The following OSBPL5 variants were observed in gnomAD, a reference collection of about 807,000 sequenced individuals.
OSBPL5 encodes the protein oxysterol binding protein like 5, also known as oxysterol-binding protein-related protein 5.
OSBPL5 carries 71 observed loss-of-function variants against 111.2 expected under a neutral mutation model. The observed-to-expected ratio is 0.64, with a 90% CI of 0.53 to 0.78. The LOEUF (loss-of-function observed/expected upper bound fraction) is 0.78, where lower values mean the gene tolerates loss of function less well. Ranked by LOEUF, OSBPL5 falls within the 30% of genes least tolerant of loss-of-function variation. The pLI is 0.00. For missense variants in OSBPL5, 1,210 were observed against 1,189.3 expected (o/e 1.02, Z -0.26); for synonymous variants, 549 against 513.9 (o/e 1.07, Z -0.93).
At chr11:3,128,395 G>A (rs1858709451) in intron 2 of OSBPL5, among the ~76,000 whole-genome samples, 1 of 152,206 alleles carries the variant, frequency 6.6e-6, no homozygotes, top group Non-Finnish European at 1.5e-5. Flanking sequence ...GGTTTTCTGG[G>A]GGACAGCAGT....
intron 3 of OSBPL5, among the ~76,000 whole-genome samples, chr11:3,123,877 G>C (rs1297121085): frequency 1.3e-5 from 2 of 152,190 alleles, no homozygotes; most frequent in East Asian, 3.9e-4. Flanking sequence ...GAGGTGGAGA[G>C]CTAGCAAGGG....
At chr11:3,090,021 G>T in intron 20 of OSBPL5, 73 bp from the exon 21 acceptor site, 1 of 1,225,460 alleles carries the variant, frequency 8.2e-7, no homozygotes. Flanking sequence ...AGTGGGGCTG[G>T]CACGTGGGTC....
chr11:3,129,555 C>A (rs973954108), intron 1 of OSBPL5, among the ~76,000 whole-genome samples: 2 of 152,284 alleles, frequency 1.3e-5, no homozygotes, highest in Admixed American at 1.3e-4. Flanking sequence ...CGTGACAGCA[C>A]TTTGTGGTGG....
chr11:3,133,987 G>GGC (rs1554903272), intron 1 of OSBPL5, among the ~76,000 whole-genome samples: 1 of 152,068 alleles, frequency 6.6e-6, no homozygotes, highest in African/African-American at 2.4e-5. Context: ...CTTGGTGGGG[G>GGC]GGGGGTCACT....
At chr11:3,090,828 G>A (rs1857031067) in intron 19 of OSBPL5, 132 bp from the exon 20 acceptor site, 2 of 1,252,496 alleles carry the variant, frequency 1.6e-6, no homozygotes, top group South Asian at 1.5e-5. Flanking sequence ...CTGCTGGGCT[G>A]TGGAGCTGGC....
At chr11:3,103,457 T>C (rs1361351948) in intron 10 of OSBPL5, 137 bp from the exon 11 acceptor site, 4 of 704,584 alleles carry the variant, frequency 5.7e-6, no homozygotes, top group Non-Finnish European at 7.1e-6. Flanking sequence ...GGCGCTCTGG[T>C]CACCCCCAAG....
intron 1 of OSBPL5, among the ~76,000 whole-genome samples, chr11:3,151,121 G>A (rs1846571225): frequency 1.3e-5 from 2 of 152,170 alleles, no homozygotes; most frequent in Non-Finnish European, 2.9e-5. Flanking sequence ...GAAGACAGAG[G>A]CGGAGATCGG....
In OSBPL5 at chr11:3,126,508, G is replaced by A. The variant is rs201518381; in HGVS notation, c.184C>T (p.Pro62Ser). 5.6e-6 allele frequency: 9 copies of A among 1,609,774 alleles called. No homozygotes were observed. In the South Asian group the frequency reaches 7.7e-5, roughly 14 times the overall value. ...NGPSLPRDEG[P>S]PTPSSATKVP... is the part of the protein sequence containing the mutation. The stretch of plus-strand genomic sequence containing the variant: ...TTCGTGGCAGAGCTTGGGGTCGGGG[G>A]CCCTTCATCCCTGGGCAGCGACGGG... Residue 62 changes from proline to serine, a missense_variant, in exon 3 of 22, where the codon CCC (proline) becomes TCC (serine). Physicochemically the swap from Pro to Ser is moderately conservative, Grantham distance 74. Transcript: ENST00000263650. The surrounding 1 kb of genome is among the most constrained non-coding windows in gnomAD (Gnocchi z 6.5).
intron 1 of OSBPL5, among the ~76,000 whole-genome samples, chr11:3,139,033 C>G (rs73415959): frequency 6.6e-6 from 1 of 152,140 alleles, no homozygotes; most frequent in Non-Finnish European, 1.5e-5. Flanking sequence ...GGGCAGGGAC[C>G]GGGTGATGGG....
chr11:3,104,766 C>G lies in OSBPL5; in HGVS notation c.1060-389G>C, dbSNP rs1857637944. ...CAGCCCACCCTGTCTTCACAGCTGC[C>G]AGGGGAGGCAGGGATTTGGCCTGCT... is the stretch of plus-strand genomic sequence containing the variant. On this transcript the variant is annotated intron_variant, in intron 9 of 21. Transcript: ENST00000263650. This position sits in a 1 kb window ranked among gnomAD's most constrained non-coding sequence, Gnocchi z 5.0. 4.6e-5 allele frequency among the ~76,000 whole-genome samples: 7 copies of G among 152,274 alleles called. No homozygotes were observed. The South Asian group carries it at 1.5e-3, about 32-fold the overall frequency.
chr11:3,102,082 G>C, intron 12 of OSBPL5, 101 bp downstream of exon 12: 2 of 1,245,138 alleles, frequency 1.6e-6, no homozygotes, highest in Non-Finnish European at 2.3e-6. Context: ...GCCGGCCCTC[G>C]GGGTCACGCT....
chr11:3,099,139 C>A (rs1034994940), intron 14 of OSBPL5, among the ~76,000 whole-genome samples: 1 of 152,120 alleles, frequency 6.6e-6, no homozygotes, highest in South Asian at 2.1e-4. Context: ...AAGTGAAAGA[C>A]GCCAATCTGA....
intron 3 of OSBPL5, among the ~76,000 whole-genome samples, chr11:3,124,954 G>C (rs567766926): frequency 6.6e-6 from 1 of 152,278 alleles, no homozygotes; most frequent in African/African-American, 2.4e-5. Flanking sequence ...GCATGGCATG[G>C]GATGGAGCAC....
chr11:3,096,806 T>A (rs529619262), intron 14 of OSBPL5, among the ~76,000 whole-genome samples: 50 of 151,766 alleles, frequency 3.3e-4, no homozygotes, highest in African/African-American at 1.1e-3. Context: ...TACTTTGATA[T>A]ATGTTTGAAC....
In OSBPL5 at chr11:3,093,775, C is replaced by T; in HGVS notation, c.1780G>A (p.Glu594Lys). The T allele has an allele frequency of 1.2e-6, 2 of 1,613,166 alleles. No individual in the cohort carries two copies. Among genetic ancestry groups the T allele is most frequent in the Non-Finnish European group, 1.7e-6 (2 of 1,179,994 alleles). Residue 594 changes from glutamate to lysine, a missense_variant, in exon 16 of 22, where the codon GAA (glutamate) becomes AAA (lysine). Physicochemically the swap from Glu to Lys is moderately conservative, Grantham distance 56 (BLOSUM62 1). Transcript: ENST00000263650. ...TGGCCACTGAGGCTCGCCAGGACTTCCTCTCCCGACGTGATCTTTCCCGAG... is the reference window on the plus strand; with the variant it reads ...TGGCCACTGAGGCTCGCCAGGACTTTCTCTCCCGACGTGATCTTTCCCGAG... The part of the protein sequence containing the change: ...QISGKITSGE[E>K]VLASLSGHWD...
intron 1 of OSBPL5, among the ~76,000 whole-genome samples, chr11:3,151,864 C>G (rs1236308044): frequency 6.6e-6 from 1 of 152,260 alleles, no homozygotes; most frequent in Non-Finnish European, 1.5e-5. Flanking sequence ...GCAGCCCCGA[C>G]AGCTGCCTGT....
intron 14 of OSBPL5, among the ~76,000 whole-genome samples, chr11:3,096,675 T>C (rs1306958644): frequency 1.3e-5 from 2 of 151,248 alleles, no homozygotes; most frequent in Non-Finnish European, 2.9e-5. Context: ...ACTTTAGTGA[T>C]ATAAAATAAA....
At chr11:3,093,262 CAGG>C in intron 17 of OSBPL5, 1 of 735,224 alleles carries the variant, frequency 1.4e-6, no homozygotes, top group Non-Finnish European at 2.2e-6. Context: ...CTCCCGCCTG[CAGG>C]GACCTCCCTG....
At chr11:3,143,230 C>CG (rs1554905166) in intron 1 of OSBPL5, among the ~76,000 whole-genome samples, 18 of 28,686 alleles carry the variant, frequency 6.3e-4, no homozygotes, top group Admixed American at 1.4e-3. Context: ...GAGGCAGGTG[C>CG]GGGGGGGGCA....
Sources: gnomAD v4.1 joint callset for allele counts (sites outside exome capture counted in the v4.1 genomes callset) on GRCh38, gnomAD v4.1.1 for gene constraint, Gnocchi (gnomAD v3.1) non-coding constraint, MANE v1.5 for transcripts, NCBI Gene and HGNC (gene_info 2026-07-23, HGNC 2026-07-21) for gene names.